MYH16: variants seen among roughly 807,000 people sequenced by gnomAD.
MYH16 encodes the protein putative uncharacterized protein MYH16.
intron 28 of MYH16, chr7:99,287,680 A>T: frequency 2.9e-6 from 1 of 345,688 alleles, no homozygotes; most frequent in South Asian, 2.2e-5. Context: ...ACTTGAGTAT[A>T]TCTTTTTGGA....
chr7:99,305,229 G>A (rs1463452918), intron 40 of MYH16, among the ~76,000 whole-genome samples: 1 of 151,186 alleles, frequency 6.6e-6, no homozygotes, highest in East Asian at 1.9e-4. Context: ...AAGAAGGAAG[G>A]GAGGGAAAGA....
intron 32 of MYH16, among the ~76,000 whole-genome samples, chr7:99,293,126 G>A (rs1013137652): frequency 7.2e-5 from 11 of 152,142 alleles, no homozygotes; most frequent in Non-Finnish European, 5.9e-5. Flanking sequence ...AGGCAGCAGA[G>A]GGGATCCATG....
chr7:99,274,980 C>T (rs1022921720), intron 20 of MYH16, among the ~76,000 whole-genome samples: 4 of 151,224 alleles, frequency 2.6e-5, no homozygotes, highest in Non-Finnish European at 5.9e-5. Context: ...CCTGGCCTCG[C>T]TTTTTTATTT....
intron 17 of MYH16, among the ~76,000 whole-genome samples, chr7:99,266,117 C>G (rs902134149): frequency 3.3e-5 from 5 of 151,934 alleles, no homozygotes; most frequent in Non-Finnish European, 7.4e-5. Context: ...AACAAGAGCT[C>G]TTCTGGTCCA....
At chr7:99,260,278 T>C in exon 12 of MYH16, 1 of 1,577,596 alleles carries the variant, frequency 6.3e-7, no homozygotes, top group South Asian at 1.1e-5. Flanking sequence ...AGGCATCGAG[T>C]GGGTCTTCAT....
chr7:99,252,427 TAG>T (rs1182412807), intron 6 of MYH16: 2 of 152,382 alleles, frequency 1.3e-5, no homozygotes, highest in Non-Finnish European at 2.9e-5. Flanking sequence ...TAGAGAGAGA[TAG>T]AGAGTCCTGT....
chr7:99,251,992 T>C (rs1791813477), intron 6 of MYH16, among the ~76,000 whole-genome samples: 1 of 151,960 alleles, frequency 6.6e-6, no homozygotes. Context: ...ATAAAAAGCA[T>C]CTAATCAGCA....
At chr7:99,266,723 G>A (rs1489991637) in intron 17 of MYH16, 1 of 152,474 alleles carries the variant, frequency 6.6e-6, no homozygotes, top group Non-Finnish European at 1.5e-5. Context: ...TGCCTCCCAG[G>A]GGCATCTGTC....
intron 19 of MYH16, among the ~76,000 whole-genome samples, 135 bp from the exon 1 acceptor site, chr7:99,272,704 A>G (rs1277554164): frequency 1.3e-5 from 2 of 151,774 alleles, no homozygotes; most frequent in African/African-American, 4.8e-5. Flanking sequence ...CCATAATTGC[A>G]CCATTGCACT....
chr7:99,258,447 G>A (rs1450519923), intron 11 of MYH16: 5 of 152,972 alleles, frequency 3.3e-5, no homozygotes, highest in South Asian at 2.1e-4. Context: ...CCTTATATAA[G>A]CTACTTTTTT....
chr7:99,296,047 G>A (rs1006343979), intron 33 of MYH16, among the ~76,000 whole-genome samples: 1 of 150,826 alleles, frequency 6.6e-6, no homozygotes, highest in African/African-American at 2.4e-5. Flanking sequence ...AGGAGGCTGA[G>A]GCAGGATAAT....
exon 32 of MYH16, chr7:99,292,471 G>C (rs1453596670): frequency 2.1e-6 from 1 of 469,966 alleles, no homozygotes; most frequent in Non-Finnish European, 4.3e-6. Context: ...GTACGAGACC[G>C]ATGCCATCCA....
At chr7:99,265,785 A>G (rs1255490769) in intron 17 of MYH16, 1 of 152,692 alleles carries the variant, frequency 6.5e-6, no homozygotes, top group Non-Finnish European at 1.5e-5. Context: ...TGCTCTGCCA[A>G]TACCACCTCA....
chr7:99,276,993 A>C (rs888870519), intron 20 of MYH16, among the ~76,000 whole-genome samples: 1 of 152,012 alleles, frequency 6.6e-6, no homozygotes, highest in Non-Finnish European at 1.5e-5. Flanking sequence ...GAGCAGAGCA[A>C]CAGAGACTGA....
intron 37 of MYH16, among the ~76,000 whole-genome samples, chr7:99,299,927 TTTTATTTATTTA>T (rs61663432): frequency 0.092 from 12,730 of 138,158 alleles, 850 homozygotes; most frequent in East Asian, 0.3. Flanking sequence ...TTTTATTTTA[TTTTATTTATTTA>T]TTTATTTATT....
chr7:99,254,315 A>G lies in MYH16; in HGVS notation n.892+490A>G, dbSNP rs900410275. ...TTACAGGGAACTTTCTCAAAGTTCTATTTGCACATCTCATCCTCATAGTAG... is the reference window on the plus strand; with the variant it reads ...TTACAGGGAACTTTCTCAAAGTTCTGTTTGCACATCTCATCCTCATAGTAG... On this transcript the variant is annotated intron_variant and non_coding_transcript_variant, in intron 8 of 41. Transcript: ENST00000439784. 6 of 152,312 alleles carry G rather than the reference A, an allele frequency of 3.9e-5. No individual in the cohort carries two copies. The East Asian group carries it at 7.7e-4, about 20-fold the overall frequency. 9.4% of individuals were successfully genotyped at this position (152,312 alleles called of 1,614,324 possible). A position where few individuals can be genotyped will look rare whatever the true frequency, so the allele number is the denominator to read the frequency against.
At chr7:99,279,376 A>C in intron 21 of MYH16, 134 bp from the exon 4 acceptor site, 1 of 349,120 alleles carries the variant, frequency 2.9e-6, no homozygotes, top group Non-Finnish European at 5.5e-6. Flanking sequence ...AAAAAAAAAA[A>C]AAAAAGGAGC....
At chr7:99,263,484 C>T (rs1791958519) in intron 14 of MYH16, 1 of 152,658 alleles carries the variant, frequency 6.6e-6, no homozygotes, top group South Asian at 2.1e-4. Flanking sequence ...CTTGTTGTGT[C>T]CAGTATCCCT....
chr7:99,268,121 T>G (rs934555744), intron 18 of MYH16, among the ~76,000 whole-genome samples: 1 of 152,200 alleles, frequency 6.6e-6, no homozygotes, highest in Non-Finnish European at 1.5e-5. Flanking sequence ...GAGCTTGCTT[T>G]ATAATACTCT....
Sources: gnomAD v4.1 joint callset for allele counts (sites outside exome capture counted in the v4.1 genomes callset) on GRCh38, gnomAD v4.1.1 for gene constraint, MANE v1.5 for transcripts, NCBI Gene and HGNC (gene_info 2026-07-23, HGNC 2026-07-21) for gene names.